Variants in NTRK2 observed in about 807,000 individuals in gnomAD.
The protein encoded by NTRK2 is BDNF/NT-3 growth factors receptor.
Under a neutral mutation model 94.5 loss-of-function variants are expected in NTRK2, and 13 were observed. The ratio of observed to expected loss-of-function variants is 0.14; its 90% CI spans 0.09 to 0.22. The LOEUF (loss-of-function observed/expected upper bound fraction) is 0.22, where lower values mean the gene tolerates loss of function less well. Ranked by LOEUF, NTRK2 falls within the 10% of genes least tolerant of loss-of-function variation. The pLI is 1.00. For synonymous variants in NTRK2, 372 were observed against 407.4 expected, an observed-to-expected ratio of 0.91 and a Z score of 1.05; for missense variants, 639 against 1,071.2, an observed-to-expected ratio of 0.60 and a Z score of 5.63.
At chr9:84,882,660 G>C (rs2076287768) in intron 14 of NTRK2, among the ~76,000 whole-genome samples, 1 of 151,894 alleles carries the variant, frequency 6.6e-6, no homozygotes, top group South Asian at 2.1e-4. Flanking sequence ...AAAAGCTCTT[G>C]GACCTGTGTT....
Position 84,885,414 on chromosome 9 carries a change from A to T in NTRK2, c.1633+17983A>T, listed in dbSNP as rs562660976. On this transcript the variant is annotated intron_variant, in intron 14 of 18. Transcript: ENST00000277120. ...ACAAACACAATTTCAGCGGGTCTTTATATTAAAGACACCATTTAAATGGGA... is the reference window on the plus strand; with the variant it reads ...ACAAACACAATTTCAGCGGGTCTTTTTATTAAAGACACCATTTAAATGGGA... Among the ~76,000 whole-genome samples the T allele has an allele frequency of 7.9e-5, 12 of 152,324 alleles. 1 individual carries two copies. In the South Asian group the frequency reaches 2.5e-3, roughly 32 times the overall value.
chr9:84,740,486 T>G (rs1462440595), intron 9 of NTRK2, among the ~76,000 whole-genome samples: 1 of 152,268 alleles, frequency 6.6e-6, no homozygotes, highest in Non-Finnish European at 1.5e-5. Flanking sequence ...CATATGTGGC[T>G]GCACAGGGTG....
chr9:84,985,774 G>T (rs1396133393), intron 17 of NTRK2, among the ~76,000 whole-genome samples: 2 of 152,186 alleles, frequency 1.3e-5, no homozygotes, highest in Non-Finnish European at 2.9e-5. Flanking sequence ...AGCCAACATT[G>T]ATTAAGGCTC....
intron 14 of NTRK2, among the ~76,000 whole-genome samples, chr9:84,921,995 T>C (rs1353013461): frequency 1.3e-5 from 2 of 152,210 alleles, no homozygotes; most frequent in African/African-American, 2.4e-5. Context: ...GCTTTTTAAA[T>C]ATTTTTCTTA....
At chr9:84,852,124 A>C (rs979952295) in intron 12 of NTRK2, among the ~76,000 whole-genome samples, 3 of 152,188 alleles carry the variant, frequency 2.0e-5, no homozygotes, top group Non-Finnish European at 4.4e-5. Context: ...TTGGAAACAA[A>C]AGCTCCTGGG....
At chr9:84,926,899 G>A (rs959461486) in intron 14 of NTRK2, among the ~76,000 whole-genome samples, 3 of 152,202 alleles carry the variant, frequency 2.0e-5, no homozygotes, top group African/African-American at 7.2e-5. Flanking sequence ...CTTATGCAAT[G>A]CCTTGGGTGA....
chr9:84,778,836 T>C (rs914374661), intron 12 of NTRK2, among the ~76,000 whole-genome samples: 2 of 152,174 alleles, frequency 1.3e-5, no homozygotes, highest in African/African-American at 4.8e-5. Flanking sequence ...GTGCCTGTCA[T>C]GTGGAGTTTG....
chr9:84,798,131 G>C (rs75563914), intron 12 of NTRK2, among the ~76,000 whole-genome samples: 7,052 of 151,322 alleles, frequency 0.047, 204 homozygotes, highest in East Asian at 0.14. Context: ...TGTCAGGTGA[G>C]GGCCCATTTT....
intron 12 of NTRK2, among the ~76,000 whole-genome samples, chr9:84,783,304 G>C (rs1265524199): frequency 6.6e-6 from 1 of 152,142 alleles, no homozygotes; most frequent in Non-Finnish European, 1.5e-5. Flanking sequence ...GTATTGCAAT[G>C]TATATTTTGT....
intron 12 of NTRK2, among the ~76,000 whole-genome samples, chr9:84,825,580 T>C (rs913980709): frequency 2.0e-5 from 3 of 152,070 alleles, no homozygotes; most frequent in Non-Finnish European, 4.4e-5. Flanking sequence ...GACTAGGAGA[T>C]TTAAGTGGAA....
At chr9:84,790,367 G>C (rs1404417329) in intron 12 of NTRK2, among the ~76,000 whole-genome samples, 2 of 152,052 alleles carry the variant, frequency 1.3e-5, no homozygotes, top group Non-Finnish European at 2.9e-5. Flanking sequence ...AGTGGATAAT[G>C]AAAAAAAGCA....
At chr9:84,909,781 A>T (rs901860709) in intron 14 of NTRK2, among the ~76,000 whole-genome samples, 3 of 151,806 alleles carry the variant, frequency 2.0e-5, no homozygotes, top group African/African-American at 7.3e-5. Context: ...TGGATTGTTT[A>T]TCTTTAACAA....
At chr9:84,948,699 T>C (rs1023776795) in intron 16 of NTRK2, 65 bp downstream of exon 16, 1 of 1,501,998 alleles carries the variant, frequency 6.7e-7, no homozygotes, top group African/African-American at 1.4e-5. Context: ...GAGTGGAGGG[T>C]TCATGGGAGG....
At chr9:84,908,610 A>G (rs2132465334) in intron 14 of NTRK2, among the ~76,000 whole-genome samples, 1 of 152,322 alleles carries the variant, frequency 6.6e-6, no homozygotes, top group African/African-American at 2.4e-5. Context: ...ACATTAAGTC[A>G]ACAAACATTT....
chr9:85,024,709 T>C lies in NTRK2; in HGVS notation c.*3272T>C, dbSNP rs1007058561. The C allele has an allele frequency of 1.3e-5, 3 of 233,008 alleles. No homozygotes were observed. The highest frequency in any genetic ancestry group is 6.0e-5 in the East Asian group (1 of 16,546). The allele number at this position is 233,008 out of a possible 1,614,324, so 14.4% of individuals were successfully genotyped here. ...GAAGAACAAAAGGAAATACAGGAGA[T>C]GACAAGCAACTGAGATATTGTGATA... On this transcript the variant is annotated 3_prime_UTR_variant, in exon 19 of 19. Coordinates refer to ENST00000277120, the MANE Select transcript of NTRK2 (RefSeq NM_006180.6).
Position 84,858,915 on chromosome 9 carries a change from T to C in NTRK2, c.1397-2125T>C, listed in dbSNP as rs79306518. On this transcript the variant is annotated intron_variant, in intron 12 of 18. Coordinates refer to ENST00000277120, the MANE Select transcript of NTRK2 (RefSeq NM_006180.6). ...ATGATTTGACATCAGAAGATATGAATCCTGGCTCAGTGACCACGAGCTGAA... is the reference window on the plus strand; with the variant it reads ...ATGATTTGACATCAGAAGATATGAACCCTGGCTCAGTGACCACGAGCTGAA... Among the ~76,000 whole-genome samples, 708 of 152,284 alleles carry C rather than the reference T, an allele frequency of 4.6e-3. 13 individuals carry two copies. Among genetic ancestry groups the C allele is most frequent in the Admixed American group, 0.038 (577 of 15,304 alleles).
intron 12 of NTRK2, among the ~76,000 whole-genome samples, chr9:84,859,346 C>T (rs979749852): frequency 1.3e-5 from 2 of 152,170 alleles, no homozygotes; most frequent in African/African-American, 4.8e-5. Context: ...TCTACCCTCT[C>T]AAATACTGTT....
At chr9:84,691,767 C>T (rs1268731170) in intron 2 of NTRK2, among the ~76,000 whole-genome samples, 3 of 152,250 alleles carry the variant, frequency 2.0e-5, no homozygotes, top group Non-Finnish European at 4.4e-5. Flanking sequence ...CACAGAGCAG[C>T]AGAGAAGGTT....
intron 12 of NTRK2, among the ~76,000 whole-genome samples, chr9:84,782,429 G>GCT (rs2133060007): frequency 6.6e-6 from 1 of 152,292 alleles, no homozygotes; most frequent in South Asian, 2.1e-4. Flanking sequence ...ACGTTCTGCG[G>GCT]CTCTCCCCTC....
Sources: allele counts gnomAD v4.1 joint callset (sites outside exome capture counted in the v4.1 genomes callset), GRCh38; gene constraint gnomAD v4.1.1; transcripts MANE v1.5; gene names NCBI Gene and HGNC (gene_info 2026-07-23, HGNC 2026-07-21).